MED13L: variants seen among roughly 807,000 people sequenced by gnomAD.
MED13L encodes the protein mediator of RNA polymerase II transcription subunit 13-like.
In MED13L, 7 loss-of-function variants were observed where a neutral mutation model predicts 220.9. The observed-to-expected ratio is 0.03, with a 90% CI of 0.02 to 0.06. The LOEUF is 0.06. Among genes scored for constraint, MED13L ranks in the 10% least tolerant of loss-of-function variants. The probability of loss-of-function intolerance (pLI) is 1.00; values close to 1 mark genes in which losing one functional copy is unlikely to be tolerated. For synonymous variants in MED13L, 1,011 were observed against 1,015.2 expected, an observed-to-expected ratio of 1.00 and a Z score of 0.08; for missense variants, 1,965 against 2,760.5, an observed-to-expected ratio of 0.71 and a Z score of 6.46.
intron 2 of MED13L, among the ~76,000 whole-genome samples, chr12:116,133,378 G>C (rs765051459): frequency 2.4e-4 from 37 of 152,120 alleles, no homozygotes; most frequent in Non-Finnish European, 5.0e-4. Flanking sequence ...GGAGCAACAG[G>C]AAGTGCTAAC....
Position 115,982,586 on chromosome 12 carries a change from C to T in MED13L, c.4973G>A (p.Arg1658Lys). ...DGQESVTERE[R>K]IGIPTEPDSA... Reference sequence around the variant, plus strand: ...GTCAGGCTCCGTGGGAATTCCTATTCTCTCCCTTTCTGTAACACTGGAGAG... The same window carrying T: ...GTCAGGCTCCGTGGGAATTCCTATTTTCTCCCTTTCTGTAACACTGGAGAG... The change falls in exon 22 of 31, where the codon AGA (arginine) becomes AAA (lysine). Residue 1658 changes from arginine (R) to lysine (K), a missense_variant. By Grantham distance (26) the Arg-to-Lys change is conservative. Transcript: ENST00000281928. 1 of 1,613,762 alleles carries T rather than the reference C, an allele frequency of 6.2e-7. No individual in the cohort carries two copies. Among genetic ancestry groups the T allele is most frequent in the African/African-American group, 1.3e-5 (1 of 75,030 alleles).
intron 2 of MED13L, among the ~76,000 whole-genome samples, chr12:116,208,299 C>T (rs868035138): frequency 3.9e-5 from 6 of 152,214 alleles, no homozygotes; most frequent in Middle Eastern, 3.4e-3. Flanking sequence ...CTGGAGGCTG[C>T]GCAGGAGAAT....
rs980411260 is a variant in MED13L at position 115,958,694 on chromosome 12, CAA to C, written c.*2570_*2571del. ...GCCTTTTATTATTGTTTCTTTTTAT[CAA>C]AGTCTTTTAGTGTACTGTACCAGCG... On this transcript the variant is annotated 3_prime_UTR_variant, in exon 31 of 31. Transcript: ENST00000281928. The C allele has an allele frequency of 3.3e-5, 5 of 152,434 alleles. No homozygotes were observed. The highest frequency in any genetic ancestry group is 3.3e-4 in the Admixed American group (5 of 15,272). The allele number at this position is 152,434 out of a possible 1,614,324, so 9.4% of individuals were successfully genotyped here.
chr12:116,247,315 C>T (rs538763250), intron 1 of MED13L, among the ~76,000 whole-genome samples: 77 of 152,160 alleles, frequency 5.1e-4, no homozygotes, highest in Admixed American at 1.2e-3. Context: ...TGAGAACTCA[C>T]TTATACTACT....
chr12:116,145,388 T>C (rs1468394705), intron 2 of MED13L, among the ~76,000 whole-genome samples: 3 of 152,246 alleles, frequency 2.0e-5, no homozygotes, highest in African/African-American at 7.2e-5. Context: ...ATGCTTGGCC[T>C]AGCTCATCTA....
chr12:115,986,046 T>C (rs1303828650), intron 19 of MED13L, among the ~76,000 whole-genome samples: 3 of 152,140 alleles, frequency 2.0e-5, no homozygotes, highest in South Asian at 2.1e-4. Context: ...GTGGTAAGAA[T>C]GGGAGGGGAA....
intron 2 of MED13L, among the ~76,000 whole-genome samples, chr12:116,173,301 T>C (rs1440726682): frequency 6.6e-6 from 1 of 152,170 alleles, no homozygotes; most frequent in Non-Finnish European, 1.5e-5. Context: ...CTTGACCAGG[T>C]ATGGCACTGT....
chr12:116,203,366 A>G (rs560879718), intron 2 of MED13L, among the ~76,000 whole-genome samples: 49 of 151,966 alleles, frequency 3.2e-4, no homozygotes, highest in African/African-American at 9.6e-4. Context: ...TTGATGCTAG[A>G]AACAGTAACT....
intron 2 of MED13L, among the ~76,000 whole-genome samples, chr12:116,118,098 T>G (rs1874686016): frequency 6.6e-6 from 1 of 152,158 alleles, no homozygotes; most frequent in Non-Finnish European, 1.5e-5. Context: ...TGTCAGCCAC[T>G]GCACGCAGTC....
chr12:116,008,949 G>A lies in MED13L; in HGVS notation c.1464C>T (p.His488=), dbSNP rs1276533193. The A allele has an allele frequency of 4.3e-6, 7 of 1,613,978 alleles. No homozygotes were observed. Among genetic ancestry groups the A allele is most frequent in the African/African-American group, 1.3e-5 (1 of 74,890 alleles). The stretch of plus-strand genomic sequence containing the variant: ...ATTCTTCGGCCACAGAGGGCCTATG[G>A]TGAAATGGTATTAAGGGTCTCTTTT... ...KLQKRPLIPF[H]HRPSVAEELC... Residue 488 remains histidine (H), a synonymous_variant, in exon 10 of 31, where the codon CAC becomes CAT. Transcript: ENST00000281928.
chr12:116,225,870 T>A (rs542467675), intron 2 of MED13L, among the ~76,000 whole-genome samples: 1 of 152,254 alleles, frequency 6.6e-6, no homozygotes, highest in South Asian at 2.1e-4. Flanking sequence ...AAAGTCTTAC[T>A]TCCCCCACGT....
At chr12:115,978,912 T>A (rs1877140256) in intron 23 of MED13L, among the ~76,000 whole-genome samples, 1 of 152,230 alleles carries the variant, frequency 6.6e-6, no homozygotes, top group Non-Finnish European at 1.5e-5. Flanking sequence ...TTCTTTCACA[T>A]GTGATAACTT....
chr12:116,000,295 C>T (rs1878657787), intron 14 of MED13L, among the ~76,000 whole-genome samples: 1 of 152,188 alleles, frequency 6.6e-6, no homozygotes, highest in African/African-American at 2.4e-5. Flanking sequence ...TGATTTGTCT[C>T]TTCAATTTTC....
At chr12:116,166,276 G>A (rs1879264509) in intron 2 of MED13L, among the ~76,000 whole-genome samples, 1 of 152,126 alleles carries the variant, frequency 6.6e-6, no homozygotes. Flanking sequence ...TGTGGGTGTT[G>A]CCAAAAGAGA....
At chr12:115,981,651 T>C (rs1877337482) in intron 22 of MED13L, among the ~76,000 whole-genome samples, 1 of 152,170 alleles carries the variant, frequency 6.6e-6, no homozygotes, top group South Asian at 2.1e-4. Flanking sequence ...AAAAATAAGA[T>C]TATACATAAA....
In MED13L at chr12:116,008,416, C is replaced by T. The variant is rs1356763605; in HGVS notation, c.1997G>A (p.Ser666Asn). The change falls in exon 10 of 31, where the codon AGC (serine) becomes AAC (asparagine). Residue 666 changes from serine to asparagine, a missense_variant. Around this residue, in one of 10 missense-constraint regions of MED13L, gnomAD observed 818 missense variants for 1,041.2 expected, o/e 0.79. Coordinates refer to ENST00000281928, the MANE Select transcript of MED13L (RefSeq NM_015335.5). ...CDAKMEVNSE[S>N]TALQRLLAQP... ...GCTGTCTTACCTTTGCAATGCAGTG[C>T]TCTCTGAGTTTACCTCCATTTTGGC... 1 of 1,610,628 alleles carries T rather than the reference C, an allele frequency of 6.2e-7. No individual in the cohort carries two copies. The highest frequency in any genetic ancestry group is 8.5e-7 in the Non-Finnish European group (1 of 1,179,002).
chr12:116,090,096 G>C (rs1471579767), intron 4 of MED13L, among the ~76,000 whole-genome samples: 1 of 152,182 alleles, frequency 6.6e-6, no homozygotes, highest in African/African-American at 2.4e-5. Context: ...ATGAGGCTGA[G>C]ATATGAGTAA....
rs139235028 is a variant in MED13L, at chr12:116,040,088, C to T, written c.480-17487G>A. ...CTGTAAGCTAGTACACGATGCATAGCTCTCAGTGATATGTCTCCCAACAAT... is the reference window on the plus strand; with the variant it reads ...CTGTAAGCTAGTACACGATGCATAGTTCTCAGTGATATGTCTCCCAACAAT... On this transcript the variant is annotated intron_variant, in intron 4 of 30. Coordinates refer to ENST00000281928, the MANE Select transcript of MED13L (RefSeq NM_015335.5). Among the ~76,000 whole-genome samples, 195 of 152,272 alleles carry T rather than the reference C, an allele frequency of 1.3e-3. 2 individuals carry two copies. The highest frequency in any genetic ancestry group is 3.9e-3 in the East Asian group (20 of 5,176).
chr12:115,987,197 G>A lies in MED13L; in HGVS notation c.4026C>T (p.Arg1342=). ...GGATGTTCTCCCAGGTCCTGCCCGT[G>A]CGCTTCTTTTGGATGGCATCTTGGA... is the stretch of plus-strand genomic sequence containing the variant. ...PFLQDAIQKK[R]TGRTWENIQH... The change falls in exon 18 of 31, where the codon CGC becomes CGT. Residue 1342 remains arginine, a synonymous_variant. Transcript: ENST00000281928. 1.2e-6 allele frequency: 2 copies of A among 1,614,120 alleles called. No individual in the cohort carries two copies. Among genetic ancestry groups the A allele is most frequent in the Admixed American group, 3.3e-5 (2 of 60,030 alleles).
Sources: gnomAD v4.1 joint callset for allele counts (sites outside exome capture counted in the v4.1 genomes callset) on GRCh38, gnomAD v4.1.1 for gene constraint, gnomAD v4.1.1 regional missense constraint, MANE v1.5 for transcripts, NCBI Gene and HGNC (gene_info 2026-07-23, HGNC 2026-07-21) for gene names.